LRRC8D: variants seen among roughly 807,000 people sequenced by gnomAD.
The protein encoded by LRRC8D is leucine rich repeat containing 8 VRAC subunit D, also known as volume-regulated anion channel subunit LRRC8D.
Under a neutral mutation model 55.8 loss-of-function variants are expected in LRRC8D, and 20 were observed. The ratio of observed to expected loss-of-function variants is 0.36; its 90% CI spans 0.25 to 0.52. LRRC8D has a LOEUF of 0.52. LRRC8D is among the 20% of genes least tolerant of loss of function. LRRC8D has a pLI of 0.93. For missense variants in LRRC8D, 651 were observed against 1,030.8 expected (o/e 0.63, Z 5.05); for synonymous variants, 352 against 377.0 (o/e 0.93, Z 0.77).
intron 2 of LRRC8D, among the ~76,000 whole-genome samples, chr1:89,903,912 C>A (rs2100920305): frequency 6.6e-6 from 1 of 152,340 alleles, no homozygotes; most frequent in South Asian, 2.1e-4. Flanking sequence ...CCTCTGGTAT[C>A]TGATATTCAC....
At chr1:89,857,555 C>T (rs145986674) in intron 2 of LRRC8D, among the ~76,000 whole-genome samples, 7 of 151,948 alleles carry the variant, frequency 4.6e-5, no homozygotes, top group Admixed American at 2.0e-4. Context: ...TAAATCACAG[C>T]GAAATAAGCT....
At chr1:89,873,434 CA>C (rs1160560102) in intron 2 of LRRC8D, among the ~76,000 whole-genome samples, 1 of 152,120 alleles carries the variant, frequency 6.6e-6, no homozygotes, top group East Asian at 1.9e-4. Context: ...CTACCAAACA[CA>C]AAAGCCAGCT....
intron 2 of LRRC8D, among the ~76,000 whole-genome samples, chr1:89,869,773 A>G (rs906966574): frequency 2.8e-4 from 42 of 152,218 alleles, no homozygotes; most frequent in African/African-American, 9.9e-4. Flanking sequence ...CAGAAACCCT[A>G]CAAGCCAGAA....
intron 2 of LRRC8D, among the ~76,000 whole-genome samples, chr1:89,903,166 G>A (rs1662907220): frequency 6.6e-6 from 1 of 152,102 alleles, no homozygotes; most frequent in South Asian, 2.1e-4. Context: ...TGTGACTCCT[G>A]TGTCTCTTCT....
chr1:89,865,487 A>G (rs1160569677), intron 2 of LRRC8D, among the ~76,000 whole-genome samples: 2 of 151,988 alleles, frequency 1.3e-5, no homozygotes, highest in Non-Finnish European at 2.9e-5. Flanking sequence ...TAAATCACTT[A>G]TGTTGATTTT....
chr1:89,893,308 T>C (rs1662625370), intron 2 of LRRC8D, among the ~76,000 whole-genome samples: 1 of 152,192 alleles, frequency 6.6e-6, no homozygotes, highest in African/African-American at 2.4e-5. Flanking sequence ...GAGCTTGGCA[T>C]ATTCAAAGAA....
chr1:89,929,114 A>G (rs947280528), intron 2 of LRRC8D, among the ~76,000 whole-genome samples: 1 of 152,262 alleles, frequency 6.6e-6, no homozygotes, highest in Non-Finnish European at 1.5e-5. Flanking sequence ...CATAGTGCAT[A>G]TCTTCATTGA....
rs1663852435 is a variant in LRRC8D, at chr1:89,936,215, A to T, written c.*570A>T. The T allele has an allele frequency of 6.0e-6, 1 of 167,216 alleles. No homozygotes were observed. Among genetic ancestry groups the T allele is most frequent in the South Asian group, 2.1e-4 (1 of 4,832 alleles). The allele number at this position is 167,216 out of a possible 1,614,324, so 10.4% of individuals were successfully genotyped here. A position where few individuals can be genotyped will look rare whatever the true frequency, so the allele number is the denominator to read the frequency against. ...TGCTCCTGAGCACCTCGTGTCATAG[A>T]TTTTATACTCTTACAGACTTGGAAT... On this transcript the variant is annotated 3_prime_UTR_variant, in exon 3 of 3. Transcript: ENST00000337338.
rs554257190 is a variant in LRRC8D, at chr1:89,829,845, C to A, written c.-148+8554C>A. Among the ~76,000 whole-genome samples, 5 of 152,322 alleles carry A rather than the reference C, an allele frequency of 3.3e-5. No homozygotes were observed. In the East Asian group the frequency reaches 5.8e-4, roughly 18 times the overall value. On this transcript the variant is annotated intron_variant, in intron 1 of 2. Coordinates refer to ENST00000337338, the MANE Select transcript of LRRC8D (RefSeq NM_001134479.2). ...AATTATTCTGGTGTTTTCTCTAGCC[C>A]TGTTCTCTTTTGTCACCCATATTGA...
chr1:89,835,555 G>A (rs966877608), intron 1 of LRRC8D, among the ~76,000 whole-genome samples: 12 of 152,158 alleles, frequency 7.9e-5, no homozygotes, highest in African/African-American at 2.9e-4. Context: ...AGAAGGCAGA[G>A]GAATATATGG....
intron 2 of LRRC8D, among the ~76,000 whole-genome samples, chr1:89,930,531 A>C (rs971191851): frequency 1.8e-4 from 27 of 152,130 alleles, no homozygotes; most frequent in African/African-American, 5.1e-4. Flanking sequence ...ATTGTTGACC[A>C]AAACACCATT....
At chr1:89,845,271 A>G (rs1661245622) in intron 2 of LRRC8D, among the ~76,000 whole-genome samples, 2 of 152,250 alleles carry the variant, frequency 1.3e-5, no homozygotes, top group Non-Finnish European at 2.9e-5. Flanking sequence ...CATGTAATCA[A>G]TAAGTACATG....
In LRRC8D at chr1:89,843,649, C is replaced by T. The variant is rs1256514313; in HGVS notation, c.-136C>T. ...GTGTTTTCAAACAGGAAGTGCACGGCTGTCTATAACGTGCTGCCGGGTCTC... is the reference window on the plus strand; with the variant it reads ...GTGTTTTCAAACAGGAAGTGCACGGTTGTCTATAACGTGCTGCCGGGTCTC... On this transcript the variant is annotated 5_prime_UTR_variant, in exon 2 of 3. Transcript: ENST00000337338. 5.7e-6 allele frequency: 4 copies of T among 702,332 alleles called. No individual in the cohort carries two copies. Among genetic ancestry groups the T allele is most frequent in the African/African-American group, 5.2e-5 (3 of 57,250 alleles). 43.5% of individuals were successfully genotyped at this position (702,332 alleles called of 1,614,324 possible). A position where few individuals can be genotyped will look rare whatever the true frequency, so the allele number is the denominator to read the frequency against.
intron 1 of LRRC8D, among the ~76,000 whole-genome samples, chr1:89,822,996 G>T (rs1318309663): frequency 6.6e-6 from 1 of 152,146 alleles, no homozygotes; most frequent in Non-Finnish European, 1.5e-5. Context: ...GTCTCTGTAG[G>T]TTACTTATGG....
chr1:89,874,120 C>T (rs962747551), intron 2 of LRRC8D, among the ~76,000 whole-genome samples: 3 of 152,130 alleles, frequency 2.0e-5, no homozygotes, highest in Admixed American at 6.5e-5. Context: ...AGGCACTTAA[C>T]GATTAAAGGG....
intron 2 of LRRC8D, among the ~76,000 whole-genome samples, chr1:89,924,499 G>T (rs1475583720): frequency 2.6e-5 from 4 of 152,190 alleles, no homozygotes; most frequent in Non-Finnish European, 4.4e-5. Flanking sequence ...ACTGTGGAAA[G>T]CAGTGTGTAG....
chr1:89,857,394 A>AT (rs1661587119), intron 2 of LRRC8D, among the ~76,000 whole-genome samples: 1 of 151,740 alleles, frequency 6.6e-6, no homozygotes. Flanking sequence ...AAAAAAAAAA[A>AT]AAAAAAAAAA....
intron 2 of LRRC8D, among the ~76,000 whole-genome samples, chr1:89,867,414 G>A (rs1435881681): frequency 6.6e-6 from 1 of 152,080 alleles, no homozygotes; most frequent in East Asian, 1.9e-4. Flanking sequence ...GTACCATTCT[G>A]TAATGTTAAG....
Position 89,821,046 on chromosome 1 carries a change from CAG to C in LRRC8D, c.-390_-389del, listed in dbSNP as rs1463479172. ...ACGCTTTGTCTAATTCCCCTCGTTA[CAG>C]AGTCATGTGCTGCTGCTCCCGTCGC... On this transcript the variant is annotated 5_prime_UTR_variant, in exon 1 of 3. Coordinates refer to ENST00000337338, the MANE Select transcript of LRRC8D (RefSeq NM_001134479.2). The C allele has an allele frequency of 6.7e-6, 1 of 148,312 alleles. No homozygotes were observed. Among genetic ancestry groups the C allele is most frequent in the Admixed American group, 6.8e-5 (1 of 14,792 alleles). 9.2% of individuals were successfully genotyped at this position (148,312 alleles called of 1,614,324 possible). A position where few individuals can be genotyped will look rare whatever the true frequency, so the allele number is the denominator to read the frequency against.
Sources: gnomAD v4.1 joint callset for allele counts (sites outside exome capture counted in the v4.1 genomes callset) on GRCh38, gnomAD v4.1.1 for gene constraint, MANE v1.5 for transcripts, NCBI Gene and HGNC (gene_info 2026-07-23, HGNC 2026-07-21) for gene names.